The following DHX36 variants were observed in gnomAD, a reference collection of about 807,000 sequenced individuals.
The protein encoded by DHX36 is ATP-dependent DNA/RNA helicase DHX36.
Under a neutral mutation model 139.0 loss-of-function variants are expected in DHX36, and 50 were observed. The observed-to-expected ratio is 0.36, with a 90% CI of 0.29 to 0.46. DHX36 has a LOEUF of 0.46. Among genes scored for constraint, DHX36 ranks in the 20% least tolerant of loss-of-function variants. The probability of loss-of-function intolerance (pLI) is 1.00; values close to 1 mark genes in which losing one functional copy is unlikely to be tolerated. For synonymous variants in DHX36, 425 were observed against 401.9 expected (o/e 1.06, Z -0.69); for missense variants, 1,024 against 1,211.3 (o/e 0.85, Z 2.29).
At chr3:154,289,145 T>C (rs1711677754) in intron 16 of DHX36, among the ~76,000 whole-genome samples, 181 bp from the exon 17 acceptor site, 1 of 152,260 alleles carries the variant, frequency 6.6e-6, no homozygotes, top group South Asian at 2.1e-4. Context: ...AAGTCCTATA[T>C]ATATTACTAC....
intron 1 of DHX36, among the ~76,000 whole-genome samples, 165 bp from the exon 2 acceptor site, chr3:154,316,328 C>G (rs1559960398): frequency 6.6e-6 from 1 of 151,966 alleles, no homozygotes; most frequent in Non-Finnish European, 1.5e-5. Context: ...CTTCCTAGAC[C>G]TAATTAATTG....
At chr3:154,287,637 C>T (rs750247352) in intron 17 of DHX36, among the ~76,000 whole-genome samples, 2 of 151,576 alleles carry the variant, frequency 1.3e-5, no homozygotes, top group Admixed American at 1.3e-4. Context: ...ATCCAACCTG[C>T]GTGACAGAGT....
rs115915939 is a variant in DHX36 at position 154,319,915 on chromosome 3, G to A, written c.244-3752C>T. Among the ~76,000 whole-genome samples the A allele has an allele frequency of 7.0e-3, 1,059 of 152,064 alleles. 11 individuals carry two copies. Among genetic ancestry groups the A allele is most frequent in the African/African-American group, 0.024 (1,014 of 41,460 alleles). ...GAATTCCCCTACCCCTATCAGCTAC[G>A]GCACTATTTTTCTTCCTCATCTTCA... On this transcript the variant is annotated intron_variant, in intron 1 of 24. Transcript: ENST00000496811.
Position 154,283,199 on chromosome 3 carries a change from T to C in DHX36, c.2365A>G (p.Asn789Asp), listed in dbSNP as rs762396977. The part of the protein sequence containing the change: ...DYCWEYFLSS[N>D]TLQMLHNMKG... ...ACATTCACCATTACCTGCAGTGTGT[T>C]TGAAGACAGAAAATATTCCCAGCAA... is the stretch of plus-strand genomic sequence containing the variant. Residue 789 changes from asparagine (N) to aspartate (D), a missense_variant, in exon 20 of 25, where the codon AAC becomes GAC. By Grantham distance (23) the Asn-to-Asp change is conservative. This residue lies in a region of DHX36 where 470 missense variants were observed against 616.2 expected (regional missense o/e 0.76). Coordinates refer to ENST00000496811, the MANE Select transcript of DHX36 (RefSeq NM_020865.3). 2 of 1,612,924 alleles carry C rather than the reference T, an allele frequency of 1.2e-6. No homozygotes were observed. The highest frequency in any genetic ancestry group is 2.2e-5 in the East Asian group (1 of 44,856).
chr3:154,322,080 C>G (rs1255471464), intron 1 of DHX36, among the ~76,000 whole-genome samples: 2 of 152,028 alleles, frequency 1.3e-5, no homozygotes, highest in East Asian at 3.9e-4. Context: ...CCTATTTAAA[C>G]AAGAAAGAAA....
At position 154,292,705 on chromosome 3, in the gene DHX36, AAC is replaced by A. The variant is rs749909318; in HGVS notation, c.1671-13_1671-12del. On this transcript the variant is annotated splice_polypyrimidine_tract_variant and intron_variant, in intron 14 of 24. Coordinates refer to ENST00000496811, the MANE Select transcript of DHX36 (RefSeq NM_020865.3). ...TCATCTATGGTAATGCTGTTTGGAA[AAC>A]AGATATATAAAATGTTAAAACACAC... is the stretch of plus-strand genomic sequence containing the variant. The A allele has an allele frequency of 1.9e-6, 3 of 1,608,538 alleles. No individual in the cohort carries two copies. The South Asian group carries it at 3.3e-5, about 18-fold the overall frequency.
intron 10 of DHX36, 130 bp from the exon 11 acceptor site, chr3:154,300,826 T>C: frequency 8.0e-7 from 1 of 1,243,682 alleles, no homozygotes; most frequent in Non-Finnish European, 1.1e-6. Context: ...ATTACTGGGG[T>C]AATTACTGCT....
Position 154,281,714 on chromosome 3 carries a change from G to A in DHX36, c.2377-852C>T, listed in dbSNP as rs546408222. On this transcript the variant is annotated intron_variant, in intron 20 of 24. Coordinates refer to ENST00000496811, the MANE Select transcript of DHX36 (RefSeq NM_020865.3). ...TAAGTATATATCCCTTTTATGAAAG[G>A]TGTGACTTTCCCCACCTAATTTTTC... 2.3e-3 allele frequency among the ~76,000 whole-genome samples: 349 copies of A among 152,146 alleles called. 2 individuals are homozygous for A. The highest frequency in any genetic ancestry group is 8.2e-3 in the African/African-American group (342 of 41,524).
intron 17 of DHX36, 141 bp from the exon 18 acceptor site, chr3:154,285,128 TC>T: frequency 1.2e-6 from 1 of 868,082 alleles, no homozygotes; most frequent in Non-Finnish European, 1.7e-6. Flanking sequence ...GCTTTAGTTT[TC>T]CCTACCAAAA....
intron 14 of DHX36, 97 bp downstream of exon 14, chr3:154,293,651 G>A: frequency 1.2e-6 from 1 of 824,542 alleles, no homozygotes; most frequent in Non-Finnish European, 1.9e-6. Context: ...TAAATTACAA[G>A]GTATATGGTA....
At position 154,289,789 on chromosome 3, in the gene DHX36, G is replaced by A; in HGVS notation, c.1852C>T (p.Leu618Phe). 6.2e-7 allele frequency: 1 copy of A among 1,612,310 alleles called. No individual in the cohort carries two copies. The highest frequency in any genetic ancestry group is 8.5e-7 in the Non-Finnish European group (1 of 1,179,020). The stretch of plus-strand genomic sequence containing the variant: ...TAGTCATCTAGAAGACTTGCTCTAA[G>A]ACCATTATACAGATGATAGCAATGA... ...PGHCYHLYNG[L>F]RASLLDDYQL... is the part of the protein sequence containing the mutation. Residue 618 changes from leucine to phenylalanine, a missense_variant, in exon 16 of 25, where the codon CTT becomes TTT. This residue lies in a region of DHX36 where 470 missense variants were observed against 616.2 expected (regional missense o/e 0.76). Transcript: ENST00000496811.
At chr3:154,310,176 C>T (rs1265879817) in intron 4 of DHX36, among the ~76,000 whole-genome samples, 1 of 152,140 alleles carries the variant, frequency 6.6e-6, no homozygotes, top group Non-Finnish European at 1.5e-5. Flanking sequence ...GAGGACATTA[C>T]AAATTTATAT....
intron 4 of DHX36, 47 bp from the exon 5 acceptor site, chr3:154,309,870 G>C: frequency 7.3e-7 from 1 of 1,370,656 alleles, no homozygotes; most frequent in Admixed American, 2.5e-5. Context: ...GACTAAGTCT[G>C]AAAAAAGATA....
chr3:154,275,783 A>C lies in DHX36; in HGVS notation c.*388T>G, dbSNP rs983649758. On this transcript the variant is annotated 3_prime_UTR_variant, in exon 25 of 25. Coordinates refer to ENST00000496811, the MANE Select transcript of DHX36 (RefSeq NM_020865.3). The stretch of plus-strand genomic sequence containing the variant: ...GGTTGTGTTCAAATTCTTAATTGAC[A>C]CTTGTTTTGGGGTAAACATCCTATT... 1 of 153,736 alleles carries C rather than the reference A, an allele frequency of 6.5e-6. No homozygotes were observed. The highest frequency in any genetic ancestry group is 1.5e-5 in the Non-Finnish European group (1 of 68,902). The allele number at this position is 153,736 out of a possible 1,614,324, so 9.5% of individuals were successfully genotyped here.
At chr3:154,294,131 A>G (rs1711934971) in intron 13 of DHX36, among the ~76,000 whole-genome samples, 1 of 152,180 alleles carries the variant, frequency 6.6e-6, no homozygotes, top group African/African-American at 2.4e-5. Context: ...AGAGGGAGGG[A>G]TATTTCTGTT....
chr3:154,276,979 T>C, intron 23 of DHX36, 80 bp from the exon 24 acceptor site: 5 of 1,192,680 alleles, frequency 4.2e-6, no homozygotes, highest in Non-Finnish European at 5.8e-6. Flanking sequence ...ATTACCAGTA[T>C]TAATTAATGA....
intron 8 of DHX36, among the ~76,000 whole-genome samples, chr3:154,303,893 C>G (rs1163218784): frequency 6.6e-6 from 1 of 152,124 alleles, no homozygotes; most frequent in African/African-American, 2.4e-5. Flanking sequence ...AAAATCACTT[C>G]GGTACTGTTA....
chr3:154,305,105 G>C lies in DHX36; in HGVS notation c.957C>G (p.Leu319=). 1 of 1,613,508 alleles carries C rather than the reference G, an allele frequency of 6.2e-7. No individual in the cohort carries two copies. The highest frequency in any genetic ancestry group is 1.1e-5 in the South Asian group (1 of 90,960). The change falls in exon 7 of 25, where the codon CTC becomes CTG. Residue 319 remains leucine, a synonymous_variant. Coordinates refer to ENST00000496811, the MANE Select transcript of DHX36 (RefSeq NM_020865.3). ...TGAAACATACTCACGGGTCTGACTG[G>C]AGCCACTGAAGGATGATTCCTGTTG... ...YCTTGIILQW[L]QSDPYLSSVS...
chr3:154,286,704 C>G (rs190165141), intron 17 of DHX36, among the ~76,000 whole-genome samples: 3 of 152,194 alleles, frequency 2.0e-5, no homozygotes, highest in African/African-American at 7.2e-5. Context: ...TCTCCCCAAA[C>G]TGATTTATAG....
Sources: allele counts gnomAD v4.1 joint callset (sites outside exome capture counted in the v4.1 genomes callset), GRCh38; gene constraint gnomAD v4.1.1; regional missense constraint gnomAD v4.1.1; transcripts MANE v1.5; gene names NCBI Gene and HGNC (gene_info 2026-07-23, HGNC 2026-07-21).